The following CUX1 variants were observed in gnomAD, a reference collection of about 807,000 sequenced individuals.
CUX1 encodes cut like homeobox 1, also known as protein CASP.
A neutral mutation model predicts 158.8 loss-of-function variants in CUX1; 31 were observed. The observed-to-expected ratio is 0.20, with a 90% CI of 0.15 to 0.26. The LOEUF is 0.26. Among genes scored for constraint, CUX1 ranks in the 10% least tolerant of loss-of-function variants. The pLI is 1.00. For synonymous variants in CUX1, 879 were observed against 862.1 expected, an observed-to-expected ratio of 1.02 and a Z score of -0.34; for missense variants, 1,589 against 2,014.6, an observed-to-expected ratio of 0.79 and a Z score of 4.04.
intron 5 of CUX1, among the ~76,000 whole-genome samples, chr7:102,102,877 C>T (rs919964062): frequency 6.6e-6 from 1 of 151,144 alleles, no homozygotes; most frequent in Non-Finnish European, 1.5e-5. Flanking sequence ...GTGGAGTTGT[C>T]CTGCCCCAGA....
At chr7:102,180,633 CTT>C (rs57798951) in intron 11 of CUX1, among the ~76,000 whole-genome samples, 134 of 142,070 alleles carry the variant, frequency 9.4e-4, no homozygotes, top group Non-Finnish European at 1.3e-3. Flanking sequence ...GGCCCAATGT[CTT>C]TTTTTTTTTT....
chr7:102,022,336 G>A (rs913966425), intron 2 of CUX1, among the ~76,000 whole-genome samples: 22 of 152,070 alleles, frequency 1.4e-4, no homozygotes, highest in African/African-American at 5.1e-4. Context: ...ATGGAAATAC[G>A]GCCAGACACA....
intron 2 of CUX1, among the ~76,000 whole-genome samples, chr7:101,937,265 G>T (rs1807057325): frequency 6.6e-6 from 1 of 152,174 alleles, no homozygotes. Context: ...CTCCTGGAGG[G>T]GCTCAGGTGG....
intron 5 of CUX1, among the ~76,000 whole-genome samples, chr7:102,099,474 G>GAT (rs1554485587): frequency 4.3e-4 from 42 of 98,810 alleles, no homozygotes; most frequent in African/African-American, 2.1e-3. Context: ...GGAGTATCCT[G>GAT]GTTTTTTTTT....
intron 1 of CUX1, among the ~76,000 whole-genome samples, chr7:101,836,568 G>A (rs1020158432): frequency 6.6e-6 from 1 of 151,438 alleles, no homozygotes; most frequent in Non-Finnish European, 1.5e-5. Flanking sequence ...TTGGCCAGGC[G>A]CAGTGGCTCA....
At chr7:101,880,259 C>T (rs559393297) in intron 1 of CUX1, among the ~76,000 whole-genome samples, 3 of 152,110 alleles carry the variant, frequency 2.0e-5, no homozygotes, top group Non-Finnish European at 2.9e-5. Context: ...TCTTCCTGCT[C>T]GTTCACTGTG....
chr7:101,872,660 A>G (rs1004268167), intron 1 of CUX1, among the ~76,000 whole-genome samples: 37 of 152,112 alleles, frequency 2.4e-4, no homozygotes, highest in African/African-American at 7.7e-4. Flanking sequence ...AGCCACATAC[A>G]CTATCTGTTT....
At chr7:102,236,751 A>G (rs1235852670) in intron 22 of CUX1, among the ~76,000 whole-genome samples, 4 of 152,102 alleles carry the variant, frequency 2.6e-5, no homozygotes, top group African/African-American at 9.7e-5. Flanking sequence ...GGCCCTGACA[A>G]CCCAACTCCC....
intron 20 of CUX1, among the ~76,000 whole-genome samples, chr7:102,225,538 G>T (rs1157560867): frequency 2.6e-5 from 4 of 152,316 alleles, no homozygotes; most frequent in African/African-American, 9.6e-5. Context: ...TTGACTGAGT[G>T]ACCTGCTAGG....
chr7:102,074,823 G>A (rs186328115), intron 4 of CUX1, among the ~76,000 whole-genome samples: 152 of 152,266 alleles, frequency 1.0e-3, no homozygotes, highest in Admixed American at 4.1e-3. Context: ...TTCTTTTGGC[G>A]GGTAGCATCA....
intron 20 of CUX1, among the ~76,000 whole-genome samples, chr7:102,213,605 A>G (rs1216372577): frequency 2.0e-5 from 3 of 152,236 alleles, no homozygotes; most frequent in African/African-American, 7.2e-5. Context: ...CAGGCTTTCC[A>G]TAGAAAACAG....
chr7:102,049,507 G>A (rs995182431), intron 3 of CUX1, among the ~76,000 whole-genome samples: 3 of 152,042 alleles, frequency 2.0e-5, no homozygotes, highest in Admixed American at 2.0e-4. Flanking sequence ...AGAAGAGGGG[G>A]AACCTGTGAG....
chr7:102,282,872 T>G, intron 22 of CUX1: 7 of 764,298 alleles, frequency 9.2e-6, no homozygotes, highest in Non-Finnish European at 1.4e-5. Flanking sequence ...CCCCACTCCT[T>G]AGCCCTCCAT....
intron 2 of CUX1, among the ~76,000 whole-genome samples, chr7:102,020,991 C>T (rs1819270017): frequency 1.3e-5 from 2 of 152,058 alleles, no homozygotes; most frequent in East Asian, 1.9e-4. Flanking sequence ...AAGGTGACAA[C>T]AGGCCAAGCC....
chr7:102,243,527 C>T (rs1554535679), intron 23 of CUX1, among the ~76,000 whole-genome samples: 1 of 151,554 alleles, frequency 6.6e-6, no homozygotes, highest in African/African-American at 2.4e-5. Flanking sequence ...GGGCCGAGCA[C>T]AGTGGCTCAT....
At chr7:101,973,744 C>G (rs1812280811) in intron 2 of CUX1, among the ~76,000 whole-genome samples, 2 of 151,812 alleles carry the variant, frequency 1.3e-5, no homozygotes, top group African/African-American at 4.8e-5. Flanking sequence ...TCCACCTTGC[C>G]CCAGATTCTT....
chr7:102,012,491 A>G (rs1818148127), intron 2 of CUX1, among the ~76,000 whole-genome samples: 2 of 152,144 alleles, frequency 1.3e-5, no homozygotes, highest in African/African-American at 4.8e-5. Context: ...CCTGGCCTTC[A>G]GTAGCTTTTA....
chr7:101,946,972 G>A (rs1220741728), intron 2 of CUX1, among the ~76,000 whole-genome samples: 3 of 152,170 alleles, frequency 2.0e-5, no homozygotes, highest in Non-Finnish European at 2.9e-5. Context: ...CAGAAGGCCC[G>A]GGATGTGTCA....
chr7:102,196,694 C>A lies in CUX1; in HGVS notation c.1283C>A (p.Ala428Asp), dbSNP rs1554518422. 1.3e-5 allele frequency: 21 copies of A among 1,603,882 alleles called. No individual in the cohort carries two copies. Among genetic ancestry groups the A allele is most frequent in the Non-Finnish European group, 1.8e-5 (21 of 1,174,184 alleles). ...PESRRPGSLP[A>D]PPPSQLPRNP... is the part of the protein sequence containing the mutation. ...AGTCGGCGCCCGGGATCTTTGCCGG[C>A]CCCCCCTCCTTCTCAGTTGCCCCGC... is the stretch of plus-strand genomic sequence containing the variant. Residue 428 changes from alanine (A) to aspartate (D), a missense_variant, in exon 15 of 24, where the codon GCC becomes GAC. Ala to Asp is a moderately radical substitution (Grantham distance 126, BLOSUM62 -2). This residue lies in a region of CUX1 where 515 missense variants were observed against 574.4 expected (regional missense o/e 0.90). Transcript: ENST00000292535.
Sources: gnomAD v4.1 joint callset for allele counts (sites outside exome capture counted in the v4.1 genomes callset) on GRCh38, gnomAD v4.1.1 for gene constraint, gnomAD v4.1.1 regional missense constraint, MANE v1.5 for transcripts, NCBI Gene and HGNC (gene_info 2026-07-23, HGNC 2026-07-21) for gene names.